GALNT11: variants seen among roughly 807,000 people sequenced by gnomAD.
GALNT11 encodes UDP-GalNAc:polypeptide N-acetylgalactosaminyltransferase 11.
A neutral mutation model predicts 72.7 loss-of-function variants in GALNT11; 47 were observed. That is an observed-to-expected ratio of 0.65 (90% confidence interval 0.51 to 0.82). The LOEUF is 0.82. Among genes scored for constraint, GALNT11 ranks in the 40% least tolerant of loss-of-function variants. The pLI, the probability that GALNT11 is intolerant of heterozygous loss-of-function variation, is 0.00. For synonymous variants in GALNT11, 270 were observed against 286.6 expected (o/e 0.94, Z 0.58); for missense variants, 677 against 778.4 (o/e 0.87, Z 1.55).
chr7:152,104,782 C>T (rs932200934), intron 4 of GALNT11: 3 of 152,178 alleles, frequency 2.0e-5, no homozygotes, highest in African/African-American at 7.2e-5. Context: ...AGGACATATT[C>T]AATGCTGTTC....
At chr7:152,092,244 G>A (rs950040526) in intron 1 of GALNT11, among the ~76,000 whole-genome samples, 4 of 152,154 alleles carry the variant, frequency 2.6e-5, no homozygotes, top group African/African-American at 7.2e-5. Context: ...AAATGTCACT[G>A]CTCTGTACAT....
At chr7:152,084,294 A>G (rs900742660) in intron 1 of GALNT11, among the ~76,000 whole-genome samples, 3 of 148,386 alleles carry the variant, frequency 2.0e-5, no homozygotes, top group Admixed American at 6.8e-5. Context: ...AATCCCAGCT[A>G]TTCAGGAGGC....
At chr7:152,043,327 TC>T (rs1273479837) in intron 1 of GALNT11, among the ~76,000 whole-genome samples, 7 of 152,286 alleles carry the variant, frequency 4.6e-5, no homozygotes, top group South Asian at 4.1e-4. Flanking sequence ...TTGCGGGGAT[TC>T]CCCAGGCAGA....
intron 8 of GALNT11, 50 bp from the exon 9 acceptor site, chr7:152,117,107 A>G: frequency 6.6e-7 from 1 of 1,513,510 alleles, no homozygotes; most frequent in Non-Finnish European, 8.9e-7. Flanking sequence ...TTGTATCATC[A>G]TTTTTAACAA....
rs188934556 is a variant in GALNT11 at position 152,103,291 on chromosome 7, G to C, written c.586+13G>C. ...GATAGTGACTTTGGTAAGGAATGCT[G>C]CACCTGGTAACATTGGATCCAGGCT... On this transcript the variant is annotated intron_variant, in intron 4 of 11. Transcript: ENST00000430044. The C allele has an allele frequency of 2.3e-4, 374 of 1,609,312 alleles. No homozygotes were observed. The highest frequency in any genetic ancestry group is 8.3e-4 in the Middle Eastern group (5 of 6,028).
intron 1 of GALNT11, among the ~76,000 whole-genome samples, chr7:152,037,745 C>G (rs1250957578): frequency 6.6e-6 from 1 of 151,822 alleles, no homozygotes; most frequent in Admixed American, 6.6e-5. Flanking sequence ...GAACATCTTT[C>G]TTTTTGTGCG....
intron 1 of GALNT11, among the ~76,000 whole-genome samples, chr7:152,070,615 C>A (rs980729126): frequency 6.6e-6 from 1 of 152,164 alleles, no homozygotes; most frequent in African/African-American, 2.4e-5. Flanking sequence ...TCTTTTGCCT[C>A]CCTCTTTCAC....
intron 1 of GALNT11, among the ~76,000 whole-genome samples, chr7:152,069,791 G>A (rs7796228): frequency 2.0e-5 from 3 of 152,026 alleles, no homozygotes; most frequent in African/African-American, 7.2e-5. Context: ...CATATCTAAA[G>A]CTTTATAGTT....
At chr7:152,115,513 G>C (rs960831462) in intron 8 of GALNT11, among the ~76,000 whole-genome samples, 4 of 152,172 alleles carry the variant, frequency 2.6e-5, no homozygotes, top group African/African-American at 9.7e-5. Flanking sequence ...TTGGTTCAAG[G>C]AAAAACACTT....
At chr7:152,030,514 C>T (rs987107316) in intron 1 of GALNT11, among the ~76,000 whole-genome samples, 3 of 152,074 alleles carry the variant, frequency 2.0e-5, no homozygotes, top group African/African-American at 7.2e-5. Context: ...TTTAGTATAA[C>T]TTCTTATTTT....
intron 5 of GALNT11, 131 bp downstream of exon 5, chr7:152,105,501 G>A (rs1379981847): frequency 2.2e-6 from 3 of 1,362,472 alleles, no homozygotes; most frequent in Non-Finnish European, 3.0e-6. Context: ...GAGAGATGAG[G>A]CTTGTTCTGT....
intron 1 of GALNT11, among the ~76,000 whole-genome samples, chr7:152,080,948 C>T (rs901673148): frequency 1.3e-5 from 2 of 152,018 alleles, no homozygotes; most frequent in South Asian, 2.1e-4. Context: ...CCAGCCTGGG[C>T]GACAAGAGCG....
intron 2 of GALNT11, among the ~76,000 whole-genome samples, chr7:152,096,567 T>G (rs1447627967): frequency 1.3e-5 from 2 of 151,584 alleles, no homozygotes; most frequent in Non-Finnish European, 2.9e-5. Context: ...AATACAAAAT[T>G]AGGTGGGCGT....
At chr7:152,099,234 G>A (rs894484040) in intron 2 of GALNT11, among the ~76,000 whole-genome samples, 1 of 151,882 alleles carries the variant, frequency 6.6e-6, no homozygotes, top group Non-Finnish European at 1.5e-5. Flanking sequence ...GAGCCACCAC[G>A]CCCGGCTGGA....
chr7:152,112,049 ATGGTGTAGACAGTCTT>A (rs1563080009), intron 7 of GALNT11, among the ~76,000 whole-genome samples: 1 of 151,822 alleles, frequency 6.6e-6, no homozygotes, highest in Non-Finnish European at 1.5e-5. Flanking sequence ...TCAGAGGACC[ATGGTGTAGACAGTCTT>A]TGGGAAAGGC....
rs368993462 is a variant in GALNT11 at position 152,118,630 on chromosome 7, C to T, written c.1453-48C>T. ...TGGAACCACCTCCAGGCTTGGGAGGCGTCTCTGGGATTGTTTCCCACATTC... is the reference window on the plus strand; with the variant it reads ...TGGAACCACCTCCAGGCTTGGGAGGTGTCTCTGGGATTGTTTCCCACATTC... On this transcript the variant is annotated intron_variant, in intron 9 of 11. Transcript: ENST00000430044. The T allele has an allele frequency of 2.2e-5, 34 of 1,547,240 alleles. No individual in the cohort carries two copies. In the African/African-American group the frequency reaches 2.5e-4, roughly 11 times the overall value.
intron 4 of GALNT11, chr7:152,103,575 A>G (rs2087202616): frequency 3.5e-6 from 1 of 283,396 alleles, no homozygotes; most frequent in Non-Finnish European, 7.0e-6. Flanking sequence ...CGGCCTATGT[A>G]CCTTTATCCA....
chr7:152,029,860 A>G (rs1159703651), intron 1 of GALNT11, among the ~76,000 whole-genome samples: 2 of 152,238 alleles, frequency 1.3e-5, no homozygotes, highest in African/African-American at 4.8e-5. Flanking sequence ...ATCCCCTGTT[A>G]GGAAACCTGC....
At chr7:152,035,690 G>A (rs373399222) in intron 1 of GALNT11, among the ~76,000 whole-genome samples, 11 of 152,188 alleles carry the variant, frequency 7.2e-5, no homozygotes, top group African/African-American at 1.2e-4. Context: ...TTAGTCCAGC[G>A]GCTGTGCTAG....
Sources: gnomAD v4.1 joint callset for allele counts (sites outside exome capture counted in the v4.1 genomes callset) on GRCh38, gnomAD v4.1.1 for gene constraint, MANE v1.5 for transcripts, NCBI Gene and HGNC (gene_info 2026-07-23, HGNC 2026-07-21) for gene names.